Variants in STK3 observed in about 807,000 individuals in gnomAD.
STK3 encodes the protein serine/threonine-protein kinase 3.
STK3 carries 41 observed loss-of-function variants against 58.0 expected under a neutral mutation model. That is an observed-to-expected ratio of 0.71 (90% confidence interval 0.55 to 0.92). STK3 has a LOEUF of 0.92. Among genes scored for constraint, STK3 ranks in the 40% least tolerant of loss-of-function variants. The pLI is 0.00. For synonymous variants in STK3, 170 were observed against 191.0 expected, an observed-to-expected ratio of 0.89 and a Z score of 0.91; for missense variants, 479 against 602.7, an observed-to-expected ratio of 0.79 and a Z score of 2.15.
chr8:98,382,870 A>G (rs1817751771), intron 1 of STK3, among the ~76,000 whole-genome samples: 1 of 152,182 alleles, frequency 6.6e-6, no homozygotes, highest in African/African-American at 2.4e-5. Flanking sequence ...CAGCCTTCCC[A>G]GGGCTTGGGC....
intron 6 of STK3, among the ~76,000 whole-genome samples, chr8:98,644,721 T>A (rs565934140): frequency 6.6e-6 from 1 of 152,192 alleles, no homozygotes; most frequent in African/African-American, 2.4e-5. Context: ...TCCCCAATTA[T>A]ATAACTTTTT....
the STK3 span, among the ~76,000 whole-genome samples, chr8:98,358,388 C>CA: frequency 1.2e-4 from 19 of 152,068 alleles, no homozygotes; most frequent in African/African-American, 1.9e-4. Context: ...CCCTGCTGTC[C>CA]AAAAAAAGAC....
At chr8:98,588,301 C>G (rs1476979352) in intron 7 of STK3, among the ~76,000 whole-genome samples, 1 of 151,860 alleles carries the variant, frequency 6.6e-6, no homozygotes, top group East Asian at 1.9e-4. Context: ...CTGGTGGTGA[C>G]AAAATCTCTC....
chr8:98,685,285 T>C (rs575244866), intron 6 of STK3, among the ~76,000 whole-genome samples: 1 of 152,246 alleles, frequency 6.6e-6, no homozygotes, highest in African/African-American at 2.4e-5. Context: ...AGTAGGAAAA[T>C]GATAATTATT....
intron 1 of STK3, among the ~76,000 whole-genome samples, chr8:98,904,443 A>G (rs1838806944): frequency 6.6e-6 from 1 of 152,220 alleles, no homozygotes; most frequent in Non-Finnish European, 1.5e-5. Context: ...AGAAGAATTA[A>G]ATTAAGAAAG....
intron 6 of STK3, among the ~76,000 whole-genome samples, chr8:98,691,217 TTAAA>T (rs902790131): frequency 4.1e-4 from 63 of 152,020 alleles, no homozygotes; most frequent in African/African-American, 1.4e-3. Context: ...AAATGGAAAC[TTAAA>T]TAATACAAAC....
chr8:98,622,979 A>G (rs187830225), intron 6 of STK3, among the ~76,000 whole-genome samples: 4 of 152,216 alleles, frequency 2.6e-5, no homozygotes, highest in African/African-American at 9.7e-5. Context: ...ATATTTACAT[A>G]CCGATAAAAG....
At chr8:98,468,766 G>A (rs1019980235) in intron 10 of STK3, among the ~76,000 whole-genome samples, 1 of 152,158 alleles carries the variant, frequency 6.6e-6, no homozygotes, top group Non-Finnish European at 1.5e-5. Context: ...CAGTGTTTGT[G>A]GGTTATGTCA....
chr8:98,548,102 G>A lies in STK3; in HGVS notation c.1008C>T (p.Thr336=). ...MVKTSVESVG[T]MRATSTMSEG... ...CACTCATCGTGCTTGTGGCCCGCAT[G>A]GTGCCCACACTCTCCACACTAGTCT... The change falls in exon 9 of 11, where the codon ACC becomes ACT. Residue 336 remains threonine, a synonymous_variant. Coordinates refer to ENST00000419617, the MANE Select transcript of STK3 (RefSeq NM_006281.4). The A allele has an allele frequency of 6.2e-7, 1 of 1,607,908 alleles. No homozygotes were observed. Among genetic ancestry groups the A allele is most frequent in the Non-Finnish European group, 8.5e-7 (1 of 1,177,420 alleles).
chr8:98,661,038 CAAAGGTA>C (rs1471301835), intron 6 of STK3, among the ~76,000 whole-genome samples: 1 of 151,484 alleles, frequency 6.6e-6, no homozygotes, highest in African/African-American at 2.4e-5. Context: ...AAGAGTACAG[CAAAGGTA>C]ACTACAGAGG....
At chr8:98,359,303 T>A in the STK3 span, among the ~76,000 whole-genome samples, 961 of 139,110 alleles carry the variant, frequency 6.9e-3, 17 homozygotes, top group African/African-American at 0.025. Flanking sequence ...AGGTCAAGAG[T>A]TTGAGACCAG....
chr8:98,825,994 G>A (rs1388678023), upstream of STK3, among the ~76,000 whole-genome samples: 1 of 150,434 alleles, frequency 6.6e-6, no homozygotes, highest in African/African-American at 2.4e-5. Context: ...GCCGCGGCGG[G>A]TGGGCGGGGC....
chr8:98,367,195 T>G (rs1817572977), downstream of STK3, among the ~76,000 whole-genome samples: 1 of 152,240 alleles, frequency 6.6e-6, no homozygotes, highest in Non-Finnish European at 1.5e-5. Flanking sequence ...CTTAGCACAA[T>G]GCCTAGCCCA....
At chr8:98,434,551 C>T (rs772858915) in intron 2 of STK3, among the ~76,000 whole-genome samples, 4 of 152,226 alleles carry the variant, frequency 2.6e-5, no homozygotes, top group East Asian at 1.9e-4. Flanking sequence ...GCAACATTTT[C>T]CTCCTTCTGG....
At chr8:98,548,204 A>G in intron 8 of STK3, 43 bp from the exon 9 acceptor site, 1 of 1,370,748 alleles carries the variant, frequency 7.3e-7, no homozygotes, top group Non-Finnish European at 9.5e-7. Flanking sequence ...TTTCTATGAC[A>G]GCTGGATTTC....
chr8:98,844,762 G>T (rs1836136751), intron 3 of STK3, among the ~76,000 whole-genome samples: 1 of 152,096 alleles, frequency 6.6e-6, no homozygotes, highest in South Asian at 2.1e-4. Context: ...ACTGTGCCCG[G>T]CCCAAACACA....
chr8:98,637,209 G>A (rs1324381031), intron 6 of STK3, among the ~76,000 whole-genome samples: 1 of 151,924 alleles, frequency 6.6e-6, no homozygotes, highest in Non-Finnish European at 1.5e-5. Flanking sequence ...AACCAGGCCT[G>A]GATTCCCACA....
rs1819415297 is a variant in STK3, at chr8:98,455,333, A to G, written c.*509T>C. On this transcript the variant is annotated 3_prime_UTR_variant, in exon 11 of 11. Transcript: ENST00000419617. ...TACCCCATAGCTCCCTGCAGAAAGT[A>G]TAAATTGGTTGCACATTATCATCAT... 1 of 152,478 alleles carries G rather than the reference A, an allele frequency of 6.6e-6. No individual in the cohort carries two copies. Among genetic ancestry groups the G allele is most frequent in the Non-Finnish European group, 1.5e-5 (1 of 68,256 alleles). The allele number at this position is 152,478 out of a possible 1,614,324, so 9.4% of individuals were successfully genotyped here.
intron 6 of STK3, among the ~76,000 whole-genome samples, chr8:98,610,194 G>GAA (rs35430518): frequency 6.9e-6 from 1 of 145,942 alleles, no homozygotes. Context: ...TTTCAAAACA[G>GAA]AAAAAAAAAA....
Sources: allele counts gnomAD v4.1 joint callset (sites outside exome capture counted in the v4.1 genomes callset), GRCh38; gene constraint gnomAD v4.1.1; transcripts MANE v1.5; gene names NCBI Gene and HGNC (gene_info 2026-07-23, HGNC 2026-07-21).